TRIM36: variants seen among roughly 807,000 people sequenced by gnomAD.
TRIM36 encodes tripartite motif containing 36.
In TRIM36, 42 loss-of-function variants were observed where a neutral mutation model predicts 72.4. The ratio of observed to expected loss-of-function variants is 0.58; its 90% CI spans 0.45 to 0.75. The LOEUF (loss-of-function observed/expected upper bound fraction) is 0.75, where lower values mean the gene tolerates loss of function less well. TRIM36 is among the 30% of genes least tolerant of loss of function. The probability of loss-of-function intolerance (pLI) is 0.00; values close to 1 mark genes in which losing one functional copy is unlikely to be tolerated. For synonymous variants in TRIM36, 315 were observed against 282.8 expected (o/e 1.11, Z -1.14); for missense variants, 913 against 857.1 (o/e 1.07, Z -0.81).
At chr5:115,176,546 A>G (rs78481413) in intron 1 of TRIM36, among the ~76,000 whole-genome samples, 2,494 of 152,312 alleles carry the variant, frequency 0.016, 77 homozygotes, top group African/African-American at 0.057. Flanking sequence ...GTAAATATTA[A>G]ATTATGGGAA....
chr5:115,160,267 C>A (rs930391270), intron 2 of TRIM36, among the ~76,000 whole-genome samples: 1 of 151,924 alleles, frequency 6.6e-6, no homozygotes, highest in Non-Finnish European at 1.5e-5. Flanking sequence ...GCCAAAACTA[C>A]AATATACGTA....
intron 2 of TRIM36, among the ~76,000 whole-genome samples, chr5:115,149,814 A>T (rs1368597431): frequency 6.6e-6 from 1 of 152,004 alleles, no homozygotes; most frequent in Non-Finnish European, 1.5e-5. Flanking sequence ...GCTGGAGTGC[A>T]GTGGCGCGAT....
intron 7 of TRIM36, among the ~76,000 whole-genome samples, chr5:115,135,185 G>A (rs1284668655): frequency 6.6e-6 from 1 of 152,108 alleles, no homozygotes; most frequent in Non-Finnish European, 1.5e-5. Flanking sequence ...AAGCTTAACT[G>A]CTGGAATCAT....
intron 4 of TRIM36, among the ~76,000 whole-genome samples, chr5:115,142,918 T>G (rs1424590296): frequency 6.6e-6 from 1 of 152,098 alleles, no homozygotes; most frequent in Non-Finnish European, 1.5e-5. Flanking sequence ...CAAACACTAG[T>G]GTATATCAGA....
upstream of TRIM36, among the ~76,000 whole-genome samples, chr5:115,173,032 TA>T (rs1470681543): frequency 2.6e-5 from 4 of 152,164 alleles, no homozygotes; most frequent in Non-Finnish European, 4.4e-5. Context: ...AGAAGACAAA[TA>T]CGAAAACTGC....
chr5:115,173,842 C>T (rs903280319), upstream of TRIM36, among the ~76,000 whole-genome samples: 1 of 152,126 alleles, frequency 6.6e-6, no homozygotes, highest in Admixed American at 6.6e-5. Context: ...GAAAACCTAT[C>T]CTATTCTTAT....
At chr5:115,163,469 C>G in intron 2 of TRIM36, 49 bp downstream of exon 2, 1 of 1,496,586 alleles carries the variant, frequency 6.7e-7, no homozygotes, top group Non-Finnish European at 9.3e-7. Flanking sequence ...GAATATATAT[C>G]TATAAGCTTA....
intron 1 of TRIM36, among the ~76,000 whole-genome samples, chr5:115,179,711 C>G (rs1168735615): frequency 6.6e-6 from 1 of 152,260 alleles, no homozygotes; most frequent in Non-Finnish European, 1.5e-5. Context: ...CTTCGGCGTC[C>G]GAGAGCCCCT....
intron 1 of TRIM36, among the ~76,000 whole-genome samples, chr5:115,175,576 T>A (rs1755293115): frequency 6.6e-6 from 1 of 152,128 alleles, no homozygotes; most frequent in Non-Finnish European, 1.5e-5. Context: ...CAGGTGAGTA[T>A]ACAACACAGA....
At chr5:115,138,851 T>C (rs1269645623) in intron 5 of TRIM36, among the ~76,000 whole-genome samples, 1 of 152,192 alleles carries the variant, frequency 6.6e-6, no homozygotes. Context: ...AGTCTCGCTC[T>C]GTCGCCCAGG....
At chr5:115,147,816 T>C (rs1379360463) in intron 2 of TRIM36, among the ~76,000 whole-genome samples, 1 of 152,124 alleles carries the variant, frequency 6.6e-6, no homozygotes, top group East Asian at 1.9e-4. Context: ...AATCGATACA[T>C]AAAAGAGCAG....
intron 2 of TRIM36, among the ~76,000 whole-genome samples, chr5:115,148,067 T>C (rs60469879): frequency 0.15 from 23,225 of 152,130 alleles, 3,238 homozygotes; most frequent in East Asian, 0.41. Flanking sequence ...CATTAGTTAA[T>C]TGAGTGCAAT....
intron 5 of TRIM36, 104 bp from the exon 6 acceptor site, chr5:115,137,720 T>C (rs1753038872): frequency 3.0e-5 from 38 of 1,280,848 alleles, no homozygotes; most frequent in Middle Eastern, 5.7e-4. Flanking sequence ...TTACATTTCA[T>C]CTATGTGATG....
rs746338867 is a variant in TRIM36 at position 115,126,645 on chromosome 5, A to G, written c.2009T>C (p.Met670Thr). The G allele has an allele frequency of 8.1e-6, 13 of 1,614,184 alleles. No individual in the cohort carries two copies. Among genetic ancestry groups the G allele is most frequent in the South Asian group, 4.4e-5 (4 of 91,086 alleles). Residue 670 changes from methionine to threonine, a missense_variant, in exon 10 of 10, where the codon ATG (methionine) becomes ACG (threonine). Transcript: ENST00000513154. Reference protein sequence around the residue: ...CDKGKVDFYDMDQMKCLYERQ... With the variant: ...CDKGKVDFYDTDQMKCLYERQ... ...TTCATAAAGGCATTTCATCTGATCC[A>G]TATCATAGAAATCTACTTTGCCTTT... is the stretch of plus-strand genomic sequence containing the variant.
intron 2 of TRIM36, among the ~76,000 whole-genome samples, chr5:115,154,372 A>T (rs1479097521): frequency 6.6e-6 from 1 of 152,076 alleles, no homozygotes; most frequent in African/African-American, 2.4e-5. Context: ...CAAATGAAAA[A>T]AAAAACCCAC....
intron 1 of TRIM36, among the ~76,000 whole-genome samples, chr5:115,164,325 G>C (rs1305572496): frequency 1.3e-5 from 2 of 152,124 alleles, no homozygotes; most frequent in South Asian, 4.2e-4. Flanking sequence ...GTATATCAAA[G>C]CAATTATCTT....
intron 2 of TRIM36, among the ~76,000 whole-genome samples, chr5:115,154,223 A>G (rs1754045341): frequency 6.6e-6 from 1 of 152,184 alleles, no homozygotes; most frequent in South Asian, 2.1e-4. Context: ...AAACGCCTAC[A>G]TGAAAAAGTC....
intron 5 of TRIM36, 97 bp downstream of exon 5, chr5:115,141,182 C>A: frequency 1.2e-6 from 1 of 852,552 alleles, no homozygotes; most frequent in Non-Finnish European, 1.8e-6. Context: ...TTTGTATTCC[C>A]AGCTCATATA....
At chr5:115,147,443 T>A in intron 2 of TRIM36, 49 bp from the exon 3 acceptor site, 2 of 1,559,910 alleles carry the variant, frequency 1.3e-6, no homozygotes, top group Non-Finnish European at 1.7e-6. Flanking sequence ...GGAAAATGAT[T>A]AGAATGAAGA....
Sources: gnomAD v4.1 joint callset for allele counts (sites outside exome capture counted in the v4.1 genomes callset) on GRCh38, gnomAD v4.1.1 for gene constraint, MANE v1.5 for transcripts, NCBI Gene and HGNC (gene_info 2026-07-23, HGNC 2026-07-21) for gene names.